CREB5: variants seen among roughly 807,000 people sequenced by gnomAD.
The protein encoded by CREB5 is cAMP responsive element binding protein 5, also known as cyclic AMP-responsive element-binding protein 5.
A neutral mutation model predicts 57.1 loss-of-function variants in CREB5; 19 were observed. The observed-to-expected ratio is 0.33, with a 90% CI of 0.23 to 0.49. The LOEUF (loss-of-function observed/expected upper bound fraction) is 0.49, where lower values mean the gene tolerates loss of function less well. Among genes scored for constraint, CREB5 ranks in the 20% least tolerant of loss-of-function variants. The pLI, the probability that CREB5 is intolerant of heterozygous loss-of-function variation, is 0.99. For missense variants in CREB5, 579 were observed against 671.6 expected (o/e 0.86, Z 1.52); for synonymous variants, 238 against 238.3 (o/e 1.00, Z 0.01).
At chr7:28,674,711 C>T (rs1800235261) in intron 5 of CREB5, among the ~76,000 whole-genome samples, 1 of 152,260 alleles carries the variant, frequency 6.6e-6, no homozygotes, top group African/African-American at 2.4e-5. Context: ...AAGCCTGTAT[C>T]ACTACTCATC....
At chr7:28,542,680 T>C (rs946241516) in intron 4 of CREB5, among the ~76,000 whole-genome samples, 1 of 152,102 alleles carries the variant, frequency 6.6e-6, no homozygotes, top group Admixed American at 6.6e-5. Flanking sequence ...GCTGTTAAGA[T>C]AAGGAGTAAT....
At chr7:28,430,085 T>C (rs1371791871) in intron 1 of CREB5, among the ~76,000 whole-genome samples, 2 of 152,220 alleles carry the variant, frequency 1.3e-5, no homozygotes, top group Non-Finnish European at 2.9e-5. Context: ...TTAAAAAAGC[T>C]GGAGTAAGCT....
chr7:28,795,356 C>T (rs932551287), intron 7 of CREB5, among the ~76,000 whole-genome samples: 3 of 152,206 alleles, frequency 2.0e-5, no homozygotes, highest in East Asian at 1.9e-4. Context: ...TCATCTGGTG[C>T]GTTAAACACT....
At chr7:28,635,958 CA>C (rs2128696535) in intron 5 of CREB5, among the ~76,000 whole-genome samples, 1 of 152,298 alleles carries the variant, frequency 6.6e-6, no homozygotes, top group Non-Finnish European at 1.5e-5. Flanking sequence ...GCATATCCAG[CA>C]ACTTCTCAGT....
rs141341965 is a variant in CREB5 at position 28,637,694 on chromosome 7, G to A, written c.464+67157G>A. On this transcript the variant is annotated intron_variant, in intron 5 of 10. Coordinates refer to ENST00000357727, the MANE Select transcript of CREB5 (RefSeq NM_182898.4). ...CAACAGGACGAAGGCACTTTGGTGG[G>A]GAAGAACTTGCACTGCTTAGTCTGT... is the stretch of plus-strand genomic sequence containing the variant. Among the ~76,000 whole-genome samples the A allele has an allele frequency of 6.4e-4, 97 of 152,260 alleles. 1 individual carries two copies. In the East Asian group the frequency reaches 0.016, roughly 25 times the overall value.
At chr7:28,625,788 G>A (rs1175604838) in intron 5 of CREB5, among the ~76,000 whole-genome samples, 1 of 152,180 alleles carries the variant, frequency 6.6e-6, no homozygotes, top group Admixed American at 6.5e-5. Context: ...TTTAAGAGGA[G>A]TAAATCAACA....
rs960833307 is a variant in CREB5, at chr7:28,821,639, G to C, written c.*2360G>C. ...TGGTTTAATCTGACTGGCTTCCTAA[G>C]AAATGTTTAAGACTCAGCTTTAAAA... is the stretch of plus-strand genomic sequence containing the variant. On this transcript the variant is annotated 3_prime_UTR_variant, in exon 11 of 11. Transcript: ENST00000357727. 2 of 152,062 alleles carry C rather than the reference G, an allele frequency of 1.3e-5. No individual in the cohort carries two copies. The highest frequency in any genetic ancestry group is 4.8e-5 in the African/African-American group (2 of 41,430). The allele number at this position is 152,062 out of a possible 1,614,324, so 9.4% of individuals were successfully genotyped here.
At chr7:28,576,812 A>C (rs1364733021) in intron 5 of CREB5, among the ~76,000 whole-genome samples, 1 of 152,206 alleles carries the variant, frequency 6.6e-6, no homozygotes, top group Non-Finnish European at 1.5e-5. Flanking sequence ...ACTTCTACAC[A>C]GAACCTGGCC....
At chr7:28,615,642 C>T (rs924147541) in intron 5 of CREB5, 2 of 152,352 alleles carry the variant, frequency 1.3e-5, no homozygotes, top group South Asian at 2.1e-4. Flanking sequence ...AAACTTCATC[C>T]TTGAGGGACC....
At chr7:28,637,702 T>G (rs1388912948) in intron 5 of CREB5, among the ~76,000 whole-genome samples, 1 of 152,202 alleles carries the variant, frequency 6.6e-6, no homozygotes, top group Non-Finnish European at 1.5e-5. Flanking sequence ...GGGGAAGAAC[T>G]TGCACTGCTT....
chr7:28,745,052 C>T (rs998248989), intron 7 of CREB5, among the ~76,000 whole-genome samples: 1 of 152,198 alleles, frequency 6.6e-6, no homozygotes, highest in East Asian at 1.9e-4. Flanking sequence ...GCATGCTGAC[C>T]GTGTACTGTG....
At chr7:28,483,407 A>T (rs1428189746) in intron 1 of CREB5, among the ~76,000 whole-genome samples, 1 of 152,214 alleles carries the variant, frequency 6.6e-6, no homozygotes, top group Non-Finnish European at 1.5e-5. Flanking sequence ...CTCTTTGTCA[A>T]CCATGAAAAA....
intron 5 of CREB5, among the ~76,000 whole-genome samples, chr7:28,654,866 G>A (rs541791081): frequency 1.3e-5 from 2 of 152,266 alleles, no homozygotes; most frequent in South Asian, 2.1e-4. Flanking sequence ...CTTTGGAGCA[G>A]AGGAGAAGGG....
At chr7:28,374,921 A>C (rs1209655419) in intron 1 of CREB5, among the ~76,000 whole-genome samples, 1 of 152,182 alleles carries the variant, frequency 6.6e-6, no homozygotes, top group East Asian at 1.9e-4. Flanking sequence ...AAGGGAACTC[A>C]TTCTATATTT....
At chr7:28,518,268 A>G (rs1259223320) in intron 4 of CREB5, among the ~76,000 whole-genome samples, 1 of 152,036 alleles carries the variant, frequency 6.6e-6, no homozygotes, top group Non-Finnish European at 1.5e-5. Context: ...CTGGGGCTTT[A>G]TGTTTGGGTG....
chr7:28,643,943 G>T (rs1798789750), intron 5 of CREB5, among the ~76,000 whole-genome samples: 1 of 151,998 alleles, frequency 6.6e-6, no homozygotes, highest in African/African-American at 2.4e-5. Flanking sequence ...GCTGGGCATG[G>T]TGGTGTGTAC....
chr7:28,752,025 G>A (rs559976845), intron 7 of CREB5, among the ~76,000 whole-genome samples: 4 of 152,148 alleles, frequency 2.6e-5, no homozygotes, highest in South Asian at 2.1e-4. Context: ...ATACTTCAGA[G>A]GTGATGTTGT....
chr7:28,681,807 T>C (rs1800607905), intron 5 of CREB5, among the ~76,000 whole-genome samples: 1 of 152,236 alleles, frequency 6.6e-6, no homozygotes, highest in African/African-American at 2.4e-5. Context: ...ATTCATTCAT[T>C]CACTCATTCA....
intron 5 of CREB5, 76 bp downstream of exon 5, chr7:28,570,613 G>A: frequency 1.3e-6 from 2 of 1,526,336 alleles, no homozygotes; most frequent in South Asian, 2.6e-5. Context: ...CCTGGTTTCT[G>A]GTGCTCAGAT....
Sources: gnomAD v4.1 joint callset for allele counts (sites outside exome capture counted in the v4.1 genomes callset) on GRCh38, gnomAD v4.1.1 for gene constraint, MANE v1.5 for transcripts, NCBI Gene and HGNC (gene_info 2026-07-23, HGNC 2026-07-21) for gene names.